SND1: variants seen among roughly 807,000 people sequenced by gnomAD.
SND1 encodes the protein staphylococcal nuclease and tudor domain containing 1.
In SND1, 38 loss-of-function variants were observed where a neutral mutation model predicts 121.7. The ratio of observed to expected loss-of-function variants is 0.31; its 90% CI spans 0.24 to 0.41. The LOEUF (loss-of-function observed/expected upper bound fraction) is 0.41, where lower values mean the gene tolerates loss of function less well. Among genes scored for constraint, SND1 ranks in the 10% least tolerant of loss-of-function variants. SND1 has a pLI of 1.00. For synonymous variants in SND1, 401 were observed against 447.4 expected, an observed-to-expected ratio of 0.90 and a Z score of 1.31; for missense variants, 868 against 1,184.6, an observed-to-expected ratio of 0.73 and a Z score of 3.92.
chr7:127,815,629 C>G (rs768697501), intron 11 of SND1, among the ~76,000 whole-genome samples: 2 of 152,038 alleles, frequency 1.3e-5, no homozygotes, highest in Non-Finnish European at 2.9e-5. Flanking sequence ...CCAGGAAATG[C>G]CAACAATTGC....
chr7:128,028,997 A>G lies in SND1; in HGVS notation c.1779+37941A>G. The G allele has an allele frequency of 1.9e-6, 3 of 1,613,152 alleles. No homozygotes were observed. In the East Asian group the frequency reaches 6.7e-5, roughly 36 times the overall value. On this transcript the variant is annotated intron_variant, in intron 16 of 23. Transcript: ENST00000354725. Reference sequence around the variant, plus strand: ...GCTGCTGGTGCCGCTTACGAAGTTTATAGAAGACAATCAACATGGCGGCAG... The same window carrying G: ...GCTGCTGGTGCCGCTTACGAAGTTTGTAGAAGACAATCAACATGGCGGCAG...
At chr7:127,960,592 C>G (rs888196523) in intron 15 of SND1, among the ~76,000 whole-genome samples, 7 of 152,148 alleles carry the variant, frequency 4.6e-5, no homozygotes, top group African/African-American at 1.7e-4. Context: ...TGCAATCAGC[C>G]TGGTTATATG....
intron 14 of SND1, 30 bp downstream of exon 14, chr7:127,904,849 G>A: frequency 7.5e-7 from 1 of 1,337,090 alleles, no homozygotes; most frequent in Non-Finnish European, 1.1e-6. Context: ...CAAGCTGTGT[G>A]GCTCAGAGGC....
intron 10 of SND1, 66 bp from the exon 11 acceptor site, chr7:127,807,418 T>A: frequency 8.1e-7 from 1 of 1,235,782 alleles, no homozygotes; most frequent in Non-Finnish European, 1.2e-6. Flanking sequence ...TTCCTATATC[T>A]TGTGCTGTTG....
At chr7:127,686,862 TG>T in intron 2 of SND1, 100 bp downstream of exon 2, 2 of 1,346,772 alleles carry the variant, frequency 1.5e-6, no homozygotes, top group Admixed American at 4.1e-5. Context: ...CTTTGTATTT[TG>T]AGTATTTTTA....
intron 10 of SND1, among the ~76,000 whole-genome samples, chr7:127,751,456 A>G (rs1370265782): frequency 9.2e-5 from 14 of 152,282 alleles, no homozygotes; most frequent in Non-Finnish European, 4.4e-5. Flanking sequence ...TGCATTGCCC[A>G]TTTAGCAGAC....
chr7:128,090,913 A>G (rs1461123728), intron 22 of SND1, among the ~76,000 whole-genome samples: 3 of 152,106 alleles, frequency 2.0e-5, no homozygotes, highest in East Asian at 1.9e-4. Flanking sequence ...ATTGTACCCC[A>G]TATGAAACTG....
At chr7:127,950,776 A>G (rs1045081569) in intron 15 of SND1, among the ~76,000 whole-genome samples, 3 of 152,206 alleles carry the variant, frequency 2.0e-5, no homozygotes, top group African/African-American at 7.2e-5. Flanking sequence ...TCAGATGTAT[A>G]TAGGATTACA....
In SND1 at chr7:127,783,860, T is replaced by C. The variant is rs375406577; in HGVS notation, c.1153-23624T>C. Among the ~76,000 whole-genome samples, 51 of 152,326 alleles carry C rather than the reference T, an allele frequency of 3.3e-4. No homozygotes were observed. The South Asian group carries it at 0.01, about 31-fold the overall frequency. ...AATAGTATGGTTTAGACTTGGATAA[T>C]TAATGTTCCTTAAGGTGGGGACCTA... On this transcript the variant is annotated intron_variant, in intron 10 of 23. Coordinates refer to ENST00000354725, the MANE Select transcript of SND1 (RefSeq NM_014390.4).
At chr7:127,912,429 T>C (rs1360579536) in intron 14 of SND1, among the ~76,000 whole-genome samples, 1 of 152,206 alleles carries the variant, frequency 6.6e-6, no homozygotes, top group Non-Finnish European at 1.5e-5. Context: ...TTAGTTGGGC[T>C]GTTTTGCATC....
intron 10 of SND1, among the ~76,000 whole-genome samples, chr7:127,762,192 G>T (rs1447500110): frequency 1.3e-5 from 2 of 152,178 alleles, no homozygotes; most frequent in Admixed American, 6.5e-5. Flanking sequence ...TGTCCTCAGG[G>T]CTCAGATTGA....
intron 16 of SND1, among the ~76,000 whole-genome samples, chr7:128,060,979 T>C (rs1445346527): frequency 6.6e-6 from 1 of 152,184 alleles, no homozygotes; most frequent in Admixed American, 6.5e-5. Context: ...CATGTATCAG[T>C]GGAATTCTGC....
At chr7:127,785,576 A>G (rs1797797894) in intron 10 of SND1, among the ~76,000 whole-genome samples, 2 of 152,170 alleles carry the variant, frequency 1.3e-5, no homozygotes, top group Non-Finnish European at 1.5e-5. Context: ...GGTGACTGTA[A>G]TTGCTAGATG....
chr7:127,946,136 G>A (rs1450194748), intron 15 of SND1, among the ~76,000 whole-genome samples: 2 of 152,324 alleles, frequency 1.3e-5, no homozygotes, highest in African/African-American at 4.8e-5. Context: ...AGTAGGAAGT[G>A]TAGTAATGAA....
chr7:127,904,174 C>T (rs534895517), intron 13 of SND1, among the ~76,000 whole-genome samples: 2 of 152,174 alleles, frequency 1.3e-5, no homozygotes, highest in African/African-American at 4.8e-5. Flanking sequence ...GTTAAATCCC[C>T]TCTTATTATA....
At chr7:127,844,572 T>C (rs1799022995) in intron 12 of SND1, 148 bp downstream of exon 12, 1 of 584,084 alleles carries the variant, frequency 1.7e-6, no homozygotes, top group South Asian at 2.4e-5. Flanking sequence ...TGTAGCACTT[T>C]ATATTTGTAA....
intron 12 of SND1, among the ~76,000 whole-genome samples, chr7:127,874,573 A>G (rs1234473174): frequency 2.0e-5 from 3 of 152,082 alleles, no homozygotes; most frequent in Admixed American, 6.6e-5. Context: ...CACACTCCCC[A>G]TACTGATATT....
At position 128,028,971 on chromosome 7, in the gene SND1, C is replaced by T. The variant is rs368134414; in HGVS notation, c.1779+37915C>T. The T allele has an allele frequency of 2.5e-5, 40 of 1,608,974 alleles. No individual in the cohort carries two copies. In the South Asian group the frequency reaches 3.9e-4, roughly 16 times the overall value. On this transcript the variant is annotated intron_variant, in intron 16 of 23. Transcript: ENST00000354725. ...AGTCCGGGCGGCTGTGACTGTACTC[C>T]GCTGCTGGTGCCGCTTACGAAGTTT...
intron 16 of SND1, among the ~76,000 whole-genome samples, chr7:128,024,889 T>C (rs1803439473): frequency 6.6e-6 from 1 of 152,074 alleles, no homozygotes; most frequent in African/African-American, 2.4e-5. Flanking sequence ...CAAAAACCAC[T>C]CCATTATGGG....
Sources: allele counts gnomAD v4.1 joint callset (sites outside exome capture counted in the v4.1 genomes callset), GRCh38; gene constraint gnomAD v4.1.1; transcripts MANE v1.5; gene names NCBI Gene and HGNC (gene_info 2026-07-23, HGNC 2026-07-21).